CPEB1: variants seen among roughly 807,000 people sequenced by gnomAD.
CPEB1 encodes cytoplasmic polyadenylation element-binding protein 1.
A neutral mutation model predicts 65.8 loss-of-function variants in CPEB1; 7 were observed. The observed-to-expected ratio is 0.11, with a 90% CI of 0.06 to 0.20. The LOEUF is 0.20. Ranked by LOEUF, CPEB1 falls within the 10% of genes least tolerant of loss-of-function variation. CPEB1 has a pLI of 1.00. For missense variants in CPEB1, 551 were observed against 712.2 expected (o/e 0.77, Z 2.58); for synonymous variants, 262 against 260.0 (o/e 1.01, Z -0.08).
At chr15:82,623,484 C>A (rs1028751642) in intron 3 of CPEB1, among the ~76,000 whole-genome samples, 1 of 152,144 alleles carries the variant, frequency 6.6e-6, no homozygotes, top group Non-Finnish European at 1.5e-5. Context: ...TCAAGACCAG[C>A]CTGGCCAATG....
At chr15:82,598,434 C>T (rs1024403425) in intron 3 of CPEB1, among the ~76,000 whole-genome samples, 6 of 152,068 alleles carry the variant, frequency 3.9e-5, no homozygotes, top group African/African-American at 1.4e-4. Flanking sequence ...GCAGAGGTTG[C>T]AGTGAGCTGA....
chr15:82,628,536 T>C lies in CPEB1; in HGVS notation c.-77A>G. 1 of 677,726 alleles carries C rather than the reference T, an allele frequency of 1.5e-6. No individual in the cohort carries two copies. 42.0% of individuals were successfully genotyped at this position (677,726 alleles called of 1,614,324 possible). A position where few individuals can be genotyped will look rare whatever the true frequency, so the allele number is the denominator to read the frequency against. On this transcript the variant is annotated 5_prime_UTR_variant, in exon 2 of 13. Coordinates refer to ENST00000684509, the MANE Select transcript of CPEB1 (RefSeq NM_001365242.1). ...TGACTTCTTTTACAATACAGACCCT[T>C]CTATTACACAGGCACTGAAACTAAC... is the stretch of plus-strand genomic sequence containing the variant.
rs191798145 is a variant in CPEB1 at position 82,612,966 on chromosome 15, T to C, written c.271+14227A>G. Among the ~76,000 whole-genome samples, 8 of 152,062 alleles carry C rather than the reference T, an allele frequency of 5.3e-5. No homozygotes were observed. In the East Asian group the frequency reaches 1.5e-3, roughly 29 times the overall value. On this transcript the variant is annotated intron_variant, in intron 3 of 12. Coordinates refer to ENST00000684509, the MANE Select transcript of CPEB1 (RefSeq NM_001365242.1). ...CTCCAGGCCCAAGTGGCTTCAGCAA[T>C]GAATTATATCAAAATTTAAGGAAGA...
At chr15:82,597,333 T>C (rs1435655116) in intron 3 of CPEB1, among the ~76,000 whole-genome samples, 1 of 151,856 alleles carries the variant, frequency 6.6e-6, no homozygotes, top group Non-Finnish European at 1.5e-5. Flanking sequence ...GGTTTAGGAG[T>C]ATATTTATTA....
chr15:82,616,563 G>A (rs545512416), intron 3 of CPEB1, among the ~76,000 whole-genome samples: 26 of 147,124 alleles, frequency 1.8e-4, no homozygotes, highest in Non-Finnish European at 3.0e-4. Context: ...TTTTGAGACG[G>A]AGTTTCGTTC....
At chr15:82,625,843 G>A (rs2045719343) in intron 3 of CPEB1, among the ~76,000 whole-genome samples, 1 of 152,204 alleles carries the variant, frequency 6.6e-6, no homozygotes. Flanking sequence ...AACAGGCCAG[G>A]CACAGTGGCT....
At chr15:82,631,962 G>T (rs1490844496) in intron 1 of CPEB1, among the ~76,000 whole-genome samples, 1 of 147,948 alleles carries the variant, frequency 6.8e-6, no homozygotes, top group Non-Finnish European at 1.5e-5. Flanking sequence ...TCTAAACACA[G>T]AATTCATTTA....
At chr15:82,553,415 G>T in intron 8 of CPEB1, 52 bp downstream of exon 8, 1 of 1,402,104 alleles carries the variant, frequency 7.1e-7, no homozygotes, top group South Asian at 1.2e-5. Context: ...TATGTACTAG[G>T]GAAGGGAAAA....
chr15:82,581,305 C>A (rs899568301), intron 3 of CPEB1, among the ~76,000 whole-genome samples: 1 of 152,144 alleles, frequency 6.6e-6, no homozygotes, highest in Non-Finnish European at 1.5e-5. Context: ...AATTTTGCAT[C>A]GTACACAACA....
chr15:82,599,666 A>G (rs1354103142), intron 3 of CPEB1, among the ~76,000 whole-genome samples: 1 of 152,218 alleles, frequency 6.6e-6, no homozygotes, highest in Non-Finnish European at 1.5e-5. Flanking sequence ...GGCCCCAAGA[A>G]GCAAAGGAAA....
chr15:82,571,837 G>A, intron 3 of CPEB1: 1 of 1,163,372 alleles, frequency 8.6e-7, no homozygotes, highest in Non-Finnish European at 1.1e-6. Context: ...CCGTGCAATA[G>A]AGAGCGGCAT....
intron 3 of CPEB1, among the ~76,000 whole-genome samples, chr15:82,577,887 T>G (rs955074956): frequency 6.6e-6 from 1 of 150,862 alleles, no homozygotes; most frequent in Non-Finnish European, 1.5e-5. Flanking sequence ...ACGCCTGTAA[T>G]CCCAGCACTT....
chr15:82,632,991 T>C (rs1192250161), intron 1 of CPEB1, among the ~76,000 whole-genome samples: 2 of 152,236 alleles, frequency 1.3e-5, no homozygotes, highest in Non-Finnish European at 2.9e-5. Context: ...TGTTTTACCA[T>C]GATAAAAAAT....
At chr15:82,602,206 C>T (rs1038082710) in intron 3 of CPEB1, among the ~76,000 whole-genome samples, 1 of 152,110 alleles carries the variant, frequency 6.6e-6, no homozygotes, top group Non-Finnish European at 1.5e-5. Context: ...AACAAAAAGA[C>T]AACTAGAAAG....
At chr15:82,647,861 G>A (rs372164501), upstream of CPEB1, 1,868 of 1,270,462 alleles carry the variant, frequency 1.5e-3, 4 homozygotes, top group Non-Finnish European at 1.5e-3. Context: ...CTTACCAGCG[G>A]GAACGCCATG....
upstream of CPEB1, chr15:82,648,049 G>A (rs993493164): frequency 4.5e-5 from 19 of 423,452 alleles, no homozygotes; most frequent in Non-Finnish European, 7.0e-5. Flanking sequence ...CGGAGCACCT[G>A]TGTCGGCCCC....
In CPEB1 at chr15:82,546,483, A is replaced by C. The variant is rs768893179; in HGVS notation, c.1614T>G (p.His538Gln). 209 of 1,613,966 alleles carry C rather than the reference A, an allele frequency of 1.3e-4. No homozygotes were observed. Among genetic ancestry groups the C allele is most frequent in the Non-Finnish European group, 1.6e-4 (194 of 1,179,956 alleles). ...IDPYLEDSLC[H>Q]ICSSQPGPFF... ...AAGGACCAGGCTGAGAACTGCAGAT[A>C]TGACACAGAGAATCTTCTAGGTAGG... Residue 538 changes from histidine (H) to glutamine (Q), a missense_variant, in exon 12 of 13, where the codon CAT (histidine) becomes CAG (glutamine). By Grantham distance (24) the His-to-Gln change is conservative. Coordinates refer to ENST00000684509, the MANE Select transcript of CPEB1 (RefSeq NM_001365242.1).
At chr15:82,590,219 A>C (rs796368501) in intron 3 of CPEB1, among the ~76,000 whole-genome samples, 3,798 of 78,754 alleles carry the variant, frequency 0.048, 227 homozygotes, top group East Asian at 0.18. Flanking sequence ...CAAAAAAAAA[A>C]AAAAAAAAAA....
intron 10 of CPEB1, among the ~76,000 whole-genome samples, chr15:82,547,844 G>A (rs2035529225): frequency 6.6e-6 from 1 of 151,790 alleles, no homozygotes. Flanking sequence ...GCTAATTTTT[G>A]TATTTTTTTG....
Sources: allele counts gnomAD v4.1 joint callset (sites outside exome capture counted in the v4.1 genomes callset), GRCh38; gene constraint gnomAD v4.1.1; transcripts MANE v1.5; gene names NCBI Gene and HGNC (gene_info 2026-07-23, HGNC 2026-07-21).